The following SLC14A2 variants were observed in gnomAD, a reference collection of about 807,000 sequenced individuals.
SLC14A2 encodes solute carrier family 14 member 2, also known as urea transporter 2.
In SLC14A2, 91 loss-of-function variants were observed where a neutral mutation model predicts 104.6. The observed-to-expected ratio is 0.87, with a 90% CI of 0.73 to 1.04. The LOEUF is 1.04. Ranked by LOEUF, SLC14A2 falls within the 50% of genes least tolerant of loss-of-function variation. The pLI is 0.00. For missense variants in SLC14A2, 1,189 were observed against 1,156.0 expected, an observed-to-expected ratio of 1.03 and a Z score of -0.41; for synonymous variants, 476 against 466.4, an observed-to-expected ratio of 1.02 and a Z score of -0.27.
chr18:45,324,485 G>T (rs1317847044), intron 1 of SLC14A2, among the ~76,000 whole-genome samples: 1 of 151,902 alleles, frequency 6.6e-6, no homozygotes. Context: ...CTCCATCCTG[G>T]CCTCACCCCA....
chr18:45,330,197 A>C (rs1205444522), intron 1 of SLC14A2, among the ~76,000 whole-genome samples: 1 of 152,192 alleles, frequency 6.6e-6, no homozygotes, highest in Non-Finnish European at 1.5e-5. Flanking sequence ...CAGCTCATTC[A>C]GTAGGGTCAA....
At chr18:45,538,233 TC>T (rs1453210898) in intron 2 of SLC14A2, among the ~76,000 whole-genome samples, 5 of 152,240 alleles carry the variant, frequency 3.3e-5, no homozygotes, top group African/African-American at 1.2e-4. Context: ...GCCTCATTGA[TC>T]CCAGAAGATG....
At chr18:45,585,316 A>G (rs1031776138) in intron 2 of SLC14A2, among the ~76,000 whole-genome samples, 9 of 152,200 alleles carry the variant, frequency 5.9e-5, no homozygotes, top group East Asian at 1.9e-4. Context: ...CCTCCCTAGC[A>G]TATCATTTAG....
At chr18:45,595,510 C>A (rs1441649736) in intron 2 of SLC14A2, among the ~76,000 whole-genome samples, 2 of 152,020 alleles carry the variant, frequency 1.3e-5, no homozygotes, top group African/African-American at 4.8e-5. Context: ...TTCCACTTAA[C>A]CATTAAGTAA....
chr18:45,432,012 G>A (rs577035749), intron 1 of SLC14A2, among the ~76,000 whole-genome samples: 1 of 152,292 alleles, frequency 6.6e-6, no homozygotes, highest in Admixed American at 6.5e-5. Flanking sequence ...CCTGGTTTAT[G>A]TAGTCAAAGA....
intron 1 of SLC14A2, among the ~76,000 whole-genome samples, chr18:45,452,021 C>A (rs553401736): frequency 6.6e-6 from 1 of 151,828 alleles, no homozygotes; most frequent in Non-Finnish European, 1.5e-5. Flanking sequence ...TCTTTCAATG[C>A]AATATTTTTC....
intron 2 of SLC14A2, among the ~76,000 whole-genome samples, chr18:45,591,899 C>T (rs2044651888): frequency 6.6e-6 from 1 of 152,222 alleles, no homozygotes; most frequent in African/African-American, 2.4e-5. Flanking sequence ...GATTTCCAAG[C>T]TTCAAGTGCC....
At position 45,426,875 on chromosome 18, in the gene SLC14A2, G is replaced by A. The variant is rs535862477; in HGVS notation, c.-124-56358G>A. Among the ~76,000 whole-genome samples, 650 of 152,044 alleles carry A rather than the reference G, an allele frequency of 4.3e-3. 2 individuals carry two copies. Among genetic ancestry groups the A allele is most frequent in the Non-Finnish European group, 7.0e-3 (473 of 67,992 alleles). On this transcript the variant is annotated intron_variant, in intron 1 of 20. Coordinates refer to the SLC14A2 transcript ENST00000586448. ...AGTGTGTGTTAGGAAGCCCCTTCTC[G>A]GCCAATTCTGGACCACCTATTGCAG...
At chr18:45,378,437 G>GA (rs1489651303) in intron 1 of SLC14A2, among the ~76,000 whole-genome samples, 1 of 152,194 alleles carries the variant, frequency 6.6e-6, no homozygotes, top group African/African-American at 2.4e-5. Flanking sequence ...ATTGAAAACT[G>GA]ACTTCAAAAA....
chr18:45,477,148 C>G (rs750835281), intron 1 of SLC14A2, among the ~76,000 whole-genome samples: 1 of 152,076 alleles, frequency 6.6e-6, no homozygotes, highest in Non-Finnish European at 1.5e-5. Context: ...TGTTGGTGAC[C>G]TTTGGATGGG....
intron 2 of SLC14A2, chr18:45,529,190 A>G (rs899895213): frequency 1.3e-5 from 2 of 152,222 alleles, no homozygotes; most frequent in African/African-American, 4.8e-5. Flanking sequence ...CAGCAATAAC[A>G]AATTATTGGT....
At chr18:45,544,888 G>T (rs1378114575) in intron 2 of SLC14A2, among the ~76,000 whole-genome samples, 2 of 149,718 alleles carry the variant, frequency 1.3e-5, no homozygotes, top group Admixed American at 6.8e-5. Flanking sequence ...CGCCCCATGG[G>T]TTCAAGTGAT....
At chr18:45,394,607 A>G (rs544171983) in intron 1 of SLC14A2, among the ~76,000 whole-genome samples, 1 of 152,292 alleles carries the variant, frequency 6.6e-6, no homozygotes, top group African/African-American at 2.4e-5. Flanking sequence ...GATTAGTGAT[A>G]TGGAGTATAT....
exon 2 of SLC14A2, chr18:45,483,314 A>G (rs182518919): frequency 6.6e-6 from 1 of 152,218 alleles, no homozygotes; most frequent in Non-Finnish European, 1.5e-5. Context: ...CACTGTGACC[A>G]AGGAAACTGT....
chr18:45,270,226 G>A (rs372101324), intron 1 of SLC14A2, among the ~76,000 whole-genome samples: 2 of 152,090 alleles, frequency 1.3e-5, no homozygotes, highest in African/African-American at 2.4e-5. Context: ...CTCTGTGTGG[G>A]TTTCCTTTCC....
chr18:45,427,888 A>G (rs2086457606), intron 1 of SLC14A2, among the ~76,000 whole-genome samples: 1 of 152,208 alleles, frequency 6.6e-6, no homozygotes, highest in African/African-American at 2.4e-5. Context: ...AAGATCTCTC[A>G]GGGCTTCGCT....
At chr18:45,184,481 T>C in the SLC14A2 span, among the ~76,000 whole-genome samples, 9 of 152,188 alleles carry the variant, frequency 5.9e-5, no homozygotes, top group African/African-American at 1.7e-4. Flanking sequence ...GCAGACACAG[T>C]ACTTAATTAT....
chr18:45,183,957 T>C, the SLC14A2 span, among the ~76,000 whole-genome samples: 3 of 142,240 alleles, frequency 2.1e-5, no homozygotes, highest in African/African-American at 7.9e-5. Flanking sequence ...GTCTCATATG[T>C]TGCCCAGGCT....
At chr18:45,656,470 T>C (rs185109011) in intron 10 of SLC14A2, among the ~76,000 whole-genome samples, 1 of 152,292 alleles carries the variant, frequency 6.6e-6, no homozygotes, top group East Asian at 1.9e-4. Context: ...ATGTAGGTTA[T>C]TGAGTAAGAG....
Sources: gnomAD v4.1 joint callset for allele counts (sites outside exome capture counted in the v4.1 genomes callset) on GRCh38, gnomAD v4.1.1 for gene constraint, MANE v1.5 for transcripts, NCBI Gene and HGNC (gene_info 2026-07-23, HGNC 2026-07-21) for gene names.